The following SLC2A9 variants were observed in gnomAD, a reference collection of about 807,000 sequenced individuals.
The protein encoded by SLC2A9 is solute carrier family 2, facilitated glucose transporter member 9.
A neutral mutation model predicts 50.6 loss-of-function variants in SLC2A9; 39 were observed. The observed-to-expected ratio is 0.77, with a 90% CI of 0.60 to 1.01. The LOEUF (loss-of-function observed/expected upper bound fraction) is 1.01. Ranked by LOEUF, SLC2A9 falls within the 50% of genes least tolerant of loss-of-function variation. The pLI is 0.00. For synonymous variants in SLC2A9, 324 were observed against 276.9 expected (o/e 1.17, Z -1.69); for missense variants, 686 against 677.6 (o/e 1.01, Z -0.14).
At chr4:9,891,156 C>A (rs928194649) in intron 8 of SLC2A9, among the ~76,000 whole-genome samples, 1 of 152,148 alleles carries the variant, frequency 6.6e-6, no homozygotes, top group African/African-American at 2.4e-5. Context: ...AAGCCCATGT[C>A]GTTTTCCAGT....
intron 5 of SLC2A9, 136 bp from the exon 6 acceptor site, chr4:9,942,181 G>A: frequency 2.8e-6 from 3 of 1,079,460 alleles, no homozygotes; most frequent in Admixed American, 3.9e-5. Context: ...AAGGCTGAGG[G>A]AAGGAACTGA....
At chr4:9,925,609 A>G (rs547349099) in intron 6 of SLC2A9, among the ~76,000 whole-genome samples, 1 of 152,322 alleles carries the variant, frequency 6.6e-6, no homozygotes, top group Non-Finnish European at 1.5e-5. Context: ...GGGGAATAAA[A>G]TCAATGTGTG....
intron 2 of SLC2A9, 119 bp downstream of exon 2, chr4:10,018,852 TGTCC>T: frequency 1.1e-6 from 1 of 905,696 alleles, no homozygotes; most frequent in Non-Finnish European, 1.7e-6. Flanking sequence ...GGCTAATCTC[TGTCC>T]CCGCGGTGTC....
chr4:9,948,021 C>T (rs1436477954), intron 5 of SLC2A9, among the ~76,000 whole-genome samples: 1 of 152,110 alleles, frequency 6.6e-6, no homozygotes, highest in African/African-American at 2.4e-5. Flanking sequence ...ATACAGGATT[C>T]ATACAAATTC....
At position 10,021,319 on chromosome 4, in the gene SLC2A9, G is replaced by T. The variant is rs1182361402; in HGVS notation, c.111C>A (p.Asp37Glu). 4 of 1,614,146 alleles carry T rather than the reference G, an allele frequency of 2.5e-6. No homozygotes were observed. Among genetic ancestry groups the T allele is most frequent in the Middle Eastern group, 1.7e-4 (1 of 5,982 alleles). Reference sequence around the variant, plus strand: ...CACCTGGCACCCCACTCCTCAGGTGGTCACACTCCAGCAGTGCCCTCCCTG... The same window carrying T: ...CACCTGGCACCCCACTCCTCAGGTGTTCACACTCCAGCAGTGCCCTCCCTG... ...PGPGRALLEC[D>E]HLRSGVPGGR... Residue 37 changes from aspartate (D) to glutamate (E), a missense_variant, in exon 1 of 12, where the codon GAC becomes GAA. Transcript: ENST00000264784.
At position 10,020,328 on chromosome 4, in the gene SLC2A9, C is replaced by A. The variant is rs75871043; in HGVS notation, c.150+952G>T. On this transcript the variant is annotated intron_variant, in intron 1 of 11. Coordinates refer to ENST00000264784, the MANE Select transcript of SLC2A9 (RefSeq NM_020041.3). ...GTCCCCTCAGCTGTAGGAGTCTGAG[C>A]AAGTGACTTGACTTTTCTGGGGCTC... Among the ~76,000 whole-genome samples the A allele has an allele frequency of 6.1e-3, 933 of 152,208 alleles. 3 individuals are homozygous for A. Among genetic ancestry groups the A allele is most frequent in the Middle Eastern group, 0.02 (6 of 294 alleles).
intron 5 of SLC2A9, among the ~76,000 whole-genome samples, chr4:9,978,673 C>T (rs1195668733): frequency 3.3e-5 from 5 of 152,180 alleles, no homozygotes; most frequent in Admixed American, 6.5e-5. Context: ...TTATAGAAAT[C>T]GTCATGCATA....
chr4:9,880,557 A>C, intron 10 of SLC2A9: 1 of 985,084 alleles, frequency 1.0e-6, no homozygotes, highest in Non-Finnish European at 1.2e-6. Flanking sequence ...AAAAAAAAAC[A>C]GAGAAGGCTA....
intron 10 of SLC2A9, among the ~76,000 whole-genome samples, chr4:9,848,624 C>T (rs1465469191): frequency 2.0e-5 from 3 of 151,840 alleles, no homozygotes; most frequent in African/African-American, 7.3e-5. Flanking sequence ...GGGTGCTTGA[C>T]AGATGTTTGC....
chr4:10,028,249 A>G (rs553906394), intron 1 of SLC2A9, among the ~76,000 whole-genome samples: 1 of 152,358 alleles, frequency 6.6e-6, no homozygotes, highest in African/African-American at 2.4e-5. Flanking sequence ...ACTTGGGTAA[A>G]GAAATGACTG....
upstream of SLC2A9, chr4:10,025,844 A>T (rs1159658895): frequency 3.3e-6 from 5 of 1,517,126 alleles, no homozygotes; most frequent in East Asian, 9.0e-5. Context: ...GGAAAGGGGT[A>T]CTACCCCCTG....
rs541122651 is a variant in SLC2A9, at chr4:9,809,949, T to C, written n.421-10708A>G. On this transcript the variant is annotated intron_variant and non_coding_transcript_variant, in intron 3 of 3. Transcript: ENST00000503280. ...CATTTTGTCCAGGTAACCTATTTTATAGGTGGGCACCTGAAGCCCACGAGT... is the reference window on the plus strand; with the variant it reads ...CATTTTGTCCAGGTAACCTATTTTACAGGTGGGCACCTGAAGCCCACGAGT... 2.6e-5 allele frequency among the ~76,000 whole-genome samples: 4 copies of C among 152,202 alleles called. No homozygotes were observed. The East Asian group carries it at 5.8e-4, about 22-fold the overall frequency.
intron 6 of SLC2A9, among the ~76,000 whole-genome samples, chr4:9,927,533 C>T (rs1321459157): frequency 6.6e-6 from 1 of 152,228 alleles, no homozygotes; most frequent in Non-Finnish European, 1.5e-5. Context: ...CAGAGTGGCA[C>T]TGAGCTTGTT....
intron 1 of SLC2A9, among the ~76,000 whole-genome samples, chr4:10,020,138 G>T (rs1353871318): frequency 6.6e-6 from 1 of 151,868 alleles, no homozygotes; most frequent in African/African-American, 2.4e-5. Flanking sequence ...TGGATCCATG[G>T]TTCAGGGACC....
chr4:9,973,191 C>A lies in SLC2A9; in HGVS notation c.681+7401G>T, dbSNP rs114828245. Among the ~76,000 whole-genome samples the A allele has an allele frequency of 9.4e-3, 1,434 of 152,206 alleles. 27 individuals are homozygous for A. The highest frequency in any genetic ancestry group is 0.033 in the African/African-American group (1,384 of 41,528). On this transcript the variant is annotated intron_variant, in intron 5 of 11. Transcript: ENST00000264784. ...CTTCTAGGCACACAAACTAGAAAAT[C>A]TAGAGGAAATGAATAAGTTCCTGGA... is the stretch of plus-strand genomic sequence containing the variant.
At chr4:9,928,884 TA>T (rs1411255515) in intron 6 of SLC2A9, among the ~76,000 whole-genome samples, 1 of 152,214 alleles carries the variant, frequency 6.6e-6, no homozygotes, top group Non-Finnish European at 1.5e-5. Flanking sequence ...TGTTAAAATA[TA>T]AAAAGGCAAC....
intron 10 of SLC2A9, among the ~76,000 whole-genome samples, chr4:9,884,037 G>A (rs1324575670): frequency 6.6e-6 from 1 of 152,220 alleles, no homozygotes; most frequent in Non-Finnish European, 1.5e-5. Flanking sequence ...GGTTGGCAGA[G>A]CCACAGCCCA....
chr4:9,887,474 G>T, intron 10 of SLC2A9, 93 bp downstream of exon 10: 1 of 1,274,856 alleles, frequency 7.8e-7, no homozygotes, highest in Non-Finnish European at 1.1e-6. Flanking sequence ...CTTCTTCTGG[G>T]CTCTGGGTTC....
chr4:9,890,255 G>A (rs1285050848), intron 9 of SLC2A9, among the ~76,000 whole-genome samples: 1 of 152,176 alleles, frequency 6.6e-6, no homozygotes, highest in South Asian at 2.1e-4. Flanking sequence ...ACTCATGCTG[G>A]GAGGTGACAG....
Sources: allele counts gnomAD v4.1 joint callset (sites outside exome capture counted in the v4.1 genomes callset), GRCh38; gene constraint gnomAD v4.1.1; transcripts MANE v1.5; gene names NCBI Gene and HGNC (gene_info 2026-07-23, HGNC 2026-07-21).